ATP13A4: variants seen among roughly 807,000 people sequenced by gnomAD.
The protein encoded by ATP13A4 is probable cation-transporting ATPase 13A4.
Under a neutral mutation model 142.5 loss-of-function variants are expected in ATP13A4, and 114 were observed. That is an observed-to-expected ratio of 0.80 (90% confidence interval 0.69 to 0.93). The LOEUF is 0.93. ATP13A4 is among the 40% of genes least tolerant of loss of function. The pLI is 0.00. For synonymous variants in ATP13A4, 488 were observed against 514.8 expected, an observed-to-expected ratio of 0.95 and a Z score of 0.70; for missense variants, 1,392 against 1,454.0, an observed-to-expected ratio of 0.96 and a Z score of 0.69.
chr3:193,543,046 T>C (rs1723026528), intron 1 of ATP13A4, among the ~76,000 whole-genome samples: 1 of 151,886 alleles, frequency 6.6e-6, no homozygotes, highest in Non-Finnish European at 1.5e-5. Context: ...TGGATGCCTG[T>C]AGTCCCAGCT....
chr3:193,462,928 T>C, intron 12 of ATP13A4, 105 bp from the exon 13 acceptor site: 1 of 1,159,454 alleles, frequency 8.6e-7, no homozygotes, highest in South Asian at 1.3e-5. Flanking sequence ...GAGGATCACT[T>C]GAACTCAGGA....
intron 2 of ATP13A4, among the ~76,000 whole-genome samples, chr3:193,574,530 C>T (rs563875226): frequency 1.1e-4 from 16 of 152,124 alleles, no homozygotes; most frequent in African/African-American, 3.9e-4. Context: ...GCCAGCCTGG[C>T]CAACATGGTG....
chr3:193,570,043 T>G (rs987062931), intron 2 of ATP13A4, among the ~76,000 whole-genome samples: 1 of 152,120 alleles, frequency 6.6e-6, no homozygotes, highest in African/African-American at 2.4e-5. Flanking sequence ...CTCATGCCTG[T>G]AATCCCAGCA....
Position 193,489,807 on chromosome 3 carries a change from C to A in ATP13A4, c.661G>T (p.Asp221Tyr). The A allele has an allele frequency of 2.5e-6, 4 of 1,610,780 alleles. No homozygotes were observed. The highest frequency in any genetic ancestry group is 3.4e-6 in the Non-Finnish European group (4 of 1,177,148). Residue 221 changes from aspartate to tyrosine, a missense_variant, in exon 7 of 30, where the codon GAC (aspartate) becomes TAC (tyrosine). Transcript: ENST00000342695. ...LFSVCLWFSE[D>Y]YKEYAFAIII... The stretch of plus-strand genomic sequence containing the variant: ...ATGGCAAAAGCATATTCCTTATAGT[C>A]TTCACTAAACCACAAACAGACACTG...
At chr3:193,559,693 G>A (rs1723974395), upstream of ATP13A4, among the ~76,000 whole-genome samples, 1 of 152,184 alleles carries the variant, frequency 6.6e-6, no homozygotes, top group African/African-American at 2.4e-5. Flanking sequence ...CTTCTCAGAG[G>A]ACTTGCTCTC....
At chr3:193,453,791 G>A (rs1717419122) in intron 17 of ATP13A4, among the ~76,000 whole-genome samples, 1 of 151,942 alleles carries the variant, frequency 6.6e-6, no homozygotes, top group African/African-American at 2.4e-5. Context: ...CTGAAACGCT[G>A]ATTATATTTC....
intron 24 of ATP13A4, among the ~76,000 whole-genome samples, chr3:193,434,568 C>T (rs1047222147): frequency 6.6e-6 from 1 of 152,104 alleles, no homozygotes; most frequent in African/African-American, 2.4e-5. Context: ...CAGAAATAGC[C>T]TATCCTTCTC....
At chr3:193,412,440 A>G (rs935031454) in intron 26 of ATP13A4, 69 bp from the exon 27 acceptor site, 2 of 1,458,208 alleles carry the variant, frequency 1.4e-6, no homozygotes, top group Non-Finnish European at 9.6e-7. Flanking sequence ...TGTATCCAGA[A>G]GATTCCATAC....
chr3:193,466,667 C>T lies in ATP13A4; in HGVS notation c.1115-485G>A, dbSNP rs185886147. 2.2e-3 allele frequency among the ~76,000 whole-genome samples: 333 copies of T among 152,304 alleles called. 2 individuals carry two copies. Among genetic ancestry groups the T allele is most frequent in the South Asian group, 4.3e-3 (21 of 4,828 alleles). ...TAGGTCCAGCTCTGTCAATTGCTGGCCATGGTATTTTTTTAAGTTCATTTG... is the reference window on the plus strand; with the variant it reads ...TAGGTCCAGCTCTGTCAATTGCTGGTCATGGTATTTTTTTAAGTTCATTTG... On this transcript the variant is annotated intron_variant, in intron 10 of 29. Coordinates refer to ENST00000342695, the MANE Select transcript of ATP13A4 (RefSeq NM_032279.4).
At chr3:193,479,008 A>C (rs1719133731) in intron 8 of ATP13A4, among the ~76,000 whole-genome samples, 1 of 152,180 alleles carries the variant, frequency 6.6e-6, no homozygotes. Context: ...AGAAAATTGA[A>C]AACAAAATCA....
Position 193,590,397 on chromosome 3 carries a change from A to T in ATP13A4, n.91+2624T>A, listed in dbSNP as rs191643539. ...AAATATACCGCAAAAAAGCAGTCTT[A>T]GATTCTATAGTAATGATGTTATCTA... On this transcript the variant is annotated intron_variant and non_coding_transcript_variant, in intron 1 of 3. Coordinates refer to the ATP13A4 transcript ENST00000489140. Among the ~76,000 whole-genome samples, 3 of 152,204 alleles carry T rather than the reference A, an allele frequency of 2.0e-5. No individual in the cohort carries two copies. In the East Asian group the frequency reaches 5.8e-4, roughly 29 times the overall value.
At chr3:193,583,649 C>T (rs1024568599) in intron 1 of ATP13A4, among the ~76,000 whole-genome samples, 3 of 111,642 alleles carry the variant, frequency 2.7e-5, no homozygotes, top group Admixed American at 2.5e-4. Context: ...GAATTTATTA[C>T]AGGGACAAGA....
chr3:193,562,029 G>A (rs1724028039), intron 2 of ATP13A4, among the ~76,000 whole-genome samples: 1 of 152,174 alleles, frequency 6.6e-6, no homozygotes, highest in Admixed American at 6.5e-5. Context: ...TTGGCTAGCT[G>A]CAAGCTTTGT....
chr3:193,462,244 AAGAG>A (rs1717995872), intron 13 of ATP13A4, among the ~76,000 whole-genome samples: 1 of 151,974 alleles, frequency 6.6e-6, no homozygotes, highest in African/African-American at 2.4e-5. Context: ...AAAAAGAAAA[AAGAG>A]AGTTTCCAGC....
At chr3:193,522,359 T>C (rs1379484120) in intron 1 of ATP13A4, among the ~76,000 whole-genome samples, 1 of 152,202 alleles carries the variant, frequency 6.6e-6, no homozygotes, top group Non-Finnish European at 1.5e-5. Flanking sequence ...ATAATAACTT[T>C]TTATTATGTT....
intron 18 of ATP13A4, among the ~76,000 whole-genome samples, chr3:193,443,109 T>C (rs1235704615): frequency 6.6e-6 from 1 of 152,130 alleles, no homozygotes; most frequent in Non-Finnish European, 1.5e-5. Flanking sequence ...TTGACTGGCG[T>C]GTGGGCCTCA....
intron 16 of ATP13A4, among the ~76,000 whole-genome samples, chr3:193,456,662 T>C (rs938796855): frequency 2.0e-5 from 3 of 151,988 alleles, no homozygotes; most frequent in Non-Finnish European, 4.4e-5. Context: ...CCACCAACTA[T>C]TGAAGTGATG....
chr3:193,567,120 T>C (rs1464388773), intron 2 of ATP13A4, among the ~76,000 whole-genome samples: 1 of 152,220 alleles, frequency 6.6e-6, no homozygotes, highest in East Asian at 1.9e-4. Flanking sequence ...AATAGAATAT[T>C]ATGCAACCAT....
At chr3:193,417,494 A>G (rs1240705640) in intron 25 of ATP13A4, among the ~76,000 whole-genome samples, 1 of 152,254 alleles carries the variant, frequency 6.6e-6, no homozygotes, top group Non-Finnish European at 1.5e-5. Flanking sequence ...GTGTTAATTC[A>G]AACTACACTG....
Sources: gnomAD v4.1 joint callset for allele counts (sites outside exome capture counted in the v4.1 genomes callset) on GRCh38, gnomAD v4.1.1 for gene constraint, MANE v1.5 for transcripts, NCBI Gene and HGNC (gene_info 2026-07-23, HGNC 2026-07-21) for gene names.